The following DNAH7 variants were observed in gnomAD, a reference collection of about 807,000 sequenced individuals.
DNAH7 encodes the protein axonemal beta dynein heavy chain 7.
DNAH7 carries 397 observed loss-of-function variants against 444.6 expected under a neutral mutation model. That is an observed-to-expected ratio of 0.89 (90% CI 0.82 to 0.97). The LOEUF is 0.97. DNAH7 is among the 50% of genes least tolerant of loss of function. The pLI is 0.00. For synonymous variants in DNAH7, 1,636 were observed against 1,624.4 expected (o/e 1.01, Z -0.17); for missense variants, 4,902 against 4,800.8 (o/e 1.02, Z -0.62).
In DNAH7 at chr2:196,068,527, G is replaced by A. The variant is rs960825765; in HGVS notation, c.15+170C>T. On this transcript the variant is annotated intron_variant, in intron 1 of 64. Coordinates refer to ENST00000312428, the MANE Select transcript of DNAH7 (RefSeq NM_018897.3). ...AACAGCTGGGAAGGGAACTTATAAG[G>A]GCATTCACGGAAAGCGCTCAGTAAC... is the stretch of plus-strand genomic sequence containing the variant. 3.7e-6 allele frequency: 3 copies of A among 821,712 alleles called. No homozygotes were observed. The African/African-American group carries it at 5.2e-5, about 14-fold the overall frequency. 50.9% of individuals were successfully genotyped at this position (821,712 alleles called of 1,614,324 possible).
At position 195,787,689 on chromosome 2, in the gene DNAH7, G is replaced by A. The variant is rs1401858526; in HGVS notation, c.10717-518C>T. ...CCTTCCCCTAATCCCCAGTAGGGAG[G>A]GTTGTGTGGGGTCTACCCTCTAAGT... On this transcript the variant is annotated intron_variant, in intron 57 of 64. Transcript: ENST00000312428. Among the ~76,000 whole-genome samples the A allele has an allele frequency of 2.0e-5, 3 of 152,192 alleles. No homozygotes were observed. The East Asian group carries it at 5.8e-4, about 29-fold the overall frequency.
chr2:195,825,986 G>A (rs1028901893), intron 48 of DNAH7, among the ~76,000 whole-genome samples: 11 of 151,988 alleles, frequency 7.2e-5, no homozygotes, highest in African/African-American at 2.7e-4. Flanking sequence ...TTTTCTACTT[G>A]CATAAAATGA....
At chr2:195,785,061 G>A (rs1197297108) in intron 58 of DNAH7, among the ~76,000 whole-genome samples, 1 of 151,978 alleles carries the variant, frequency 6.6e-6, no homozygotes, top group African/African-American at 2.4e-5. Context: ...ACAGGCTTCT[G>A]CCATCACGCC....
At chr2:195,852,949 CAG>C (rs1699471879) in intron 46 of DNAH7, among the ~76,000 whole-genome samples, 1 of 140,734 alleles carries the variant, frequency 7.1e-6, no homozygotes. Flanking sequence ...GAGAGAGAGA[CAG>C]AGTTCTGATA....
intron 46 of DNAH7, among the ~76,000 whole-genome samples, chr2:195,849,290 A>G (rs916338322): frequency 2.6e-5 from 4 of 152,184 alleles, no homozygotes; most frequent in African/African-American, 9.7e-5. Flanking sequence ...TTTATCTTAC[A>G]GTGAAGTCCA....
intron 24 of DNAH7, among the ~76,000 whole-genome samples, chr2:195,918,533 G>A (rs778042912): frequency 1.3e-5 from 2 of 152,152 alleles, no homozygotes; most frequent in African/African-American, 2.4e-5. Flanking sequence ...GATGTCCTTC[G>A]ACAGGTGAAT....
intron 16 of DNAH7, 43 bp downstream of exon 16, chr2:195,972,199 A>C: frequency 6.5e-7 from 1 of 1,534,026 alleles, no homozygotes; most frequent in Non-Finnish European, 8.9e-7. Context: ...GATAAAAACA[A>C]AACATTTCCA....
intron 48 of DNAH7, 142 bp downstream of exon 48, chr2:195,834,064 A>G: frequency 1.3e-6 from 1 of 790,714 alleles, no homozygotes; most frequent in Non-Finnish European, 1.9e-6. Context: ...AAAATTAGCC[A>G]AGCGTGGGGG....
chr2:195,794,570 A>G (rs757021707), intron 56 of DNAH7, 32 bp from the exon 57 acceptor site: 2 of 1,597,548 alleles, frequency 1.3e-6, no homozygotes, highest in Middle Eastern at 1.7e-4. Context: ...ACAAAAGAGT[A>G]AATAAAACCC....
intron 46 of DNAH7, among the ~76,000 whole-genome samples, chr2:195,847,059 CAT>C (rs57926663): frequency 0.041 from 5,767 of 139,608 alleles, 279 homozygotes; most frequent in East Asian, 0.26. Flanking sequence ...TATAAACTCC[CAT>C]ATATATATAT....
At chr2:195,970,167 A>T in intron 16 of DNAH7, 73 bp from the exon 17 acceptor site, 2 of 1,354,344 alleles carry the variant, frequency 1.5e-6, no homozygotes, top group Non-Finnish European at 2.0e-6. Flanking sequence ...TTAACATTGT[A>T]GGAGTTATCA....
At chr2:195,955,384 A>G (rs1357376108) in intron 19 of DNAH7, among the ~76,000 whole-genome samples, 1 of 152,066 alleles carries the variant, frequency 6.6e-6, no homozygotes, top group East Asian at 1.9e-4. Flanking sequence ...ATTGGTCTAT[A>G]TCTCTGTTTT....
chr2:195,756,416 G>GA (rs527526064), intron 61 of DNAH7, 131 bp from the exon 62 acceptor site: 23,854 of 543,660 alleles, frequency 0.044, no homozygotes, highest in East Asian at 0.061. Context: ...AGTCATACAG[G>GA]AAAAAAAAAA....
intron 27 of DNAH7, chr2:195,900,858 C>A (rs1686661022): frequency 5.8e-6 from 1 of 171,974 alleles, no homozygotes; most frequent in African/African-American, 2.4e-5. Flanking sequence ...TACACTATAC[C>A]CTGATTTGAT....
intron 5 of DNAH7, among the ~76,000 whole-genome samples, chr2:196,043,086 G>C (rs1207529912): frequency 6.6e-6 from 1 of 152,086 alleles, no homozygotes; most frequent in Admixed American, 6.6e-5. Flanking sequence ...ACGGGCAAGT[G>C]GAAGCTTTTG....
intron 12 of DNAH7, among the ~76,000 whole-genome samples, chr2:195,997,617 G>A (rs985521986): frequency 1.3e-5 from 2 of 152,120 alleles, no homozygotes; most frequent in Non-Finnish European, 2.9e-5. Context: ...CATTAAATCA[G>A]GAGATAGTGA....
In DNAH7 at chr2:195,864,890, A is replaced by G; in HGVS notation, c.6765T>C (p.Asp2255=). The G allele has an allele frequency of 1.2e-6, 2 of 1,613,946 alleles. No individual in the cohort carries two copies. Among genetic ancestry groups the G allele is most frequent in the South Asian group, 1.1e-5 (1 of 91,086 alleles). ...CATCTGCTTCCACCATGCCATCATT[A>G]TCAAAATCCAAACGCTGAAAAAGCT... The part of the protein sequence containing the change: ...FHELFQRLDF[D]NDGMVEADDL... Residue 2255 remains aspartate (D), a synonymous_variant, in exon 41 of 65, where the codon GAT becomes GAC. Coordinates refer to ENST00000312428, the MANE Select transcript of DNAH7 (RefSeq NM_018897.3).
intron 51 of DNAH7, among the ~76,000 whole-genome samples, chr2:195,811,772 G>T (rs1696980528): frequency 6.6e-6 from 1 of 151,022 alleles, no homozygotes; most frequent in Non-Finnish European, 1.5e-5. Flanking sequence ...TGATAGAAGT[G>T]AAAGAAAAAA....
At position 195,987,957 on chromosome 2, in the gene DNAH7, C is replaced by G; in HGVS notation, c.1626G>C (p.Lys542Asn). The stretch of plus-strand genomic sequence containing the variant: ...GTTGCACAAAACTGGAGTCATTTAC[C>G]TTTATGGATGTGTACTGTATTTCCT... ...LIEEIQYTSI[K>N]TIRLGMFEMH... The change falls in exon 13 of 65, where the codon AAG (lysine) becomes AAC (asparagine). Residue 542 changes from lysine (K) to asparagine (N), a missense_variant and splice_region_variant. Lys to Asn is a moderately conservative substitution (Grantham distance 94). Coordinates refer to ENST00000312428, the MANE Select transcript of DNAH7 (RefSeq NM_018897.3). 1 of 1,594,260 alleles carries G rather than the reference C, an allele frequency of 6.3e-7. No individual in the cohort carries two copies. Among genetic ancestry groups the G allele is most frequent in the Non-Finnish European group, 8.6e-7 (1 of 1,168,914 alleles).
Sources: allele counts gnomAD v4.1 joint callset (sites outside exome capture counted in the v4.1 genomes callset), GRCh38; gene constraint gnomAD v4.1.1; transcripts MANE v1.5; gene names NCBI Gene and HGNC (gene_info 2026-07-23, HGNC 2026-07-21).